The following PTPRQ variants were observed in gnomAD, a reference collection of about 807,000 sequenced individuals.
PTPRQ encodes the protein protein tyrosine phosphatase receptor type Q.
Under a neutral mutation model 246.0 loss-of-function variants are expected in PTPRQ, and 199 were observed. The observed-to-expected ratio is 0.81, with a 90% CI of 0.72 to 0.91. PTPRQ has a LOEUF of 0.91. Among genes scored for constraint, PTPRQ ranks in the 40% least tolerant of loss-of-function variants. PTPRQ has a pLI of 0.00. For synonymous variants in PTPRQ, 869 were observed against 853.2 expected, an observed-to-expected ratio of 1.02 and a Z score of -0.32; for missense variants, 2,624 against 2,528.4, an observed-to-expected ratio of 1.04 and a Z score of -0.81.
chr12:80,506,338 G>A lies in PTPRQ; in HGVS notation c.2455+132G>A, dbSNP rs1894960273. On this transcript the variant is annotated intron_variant, in intron 15 of 44. Coordinates refer to ENST00000644991, the MANE Select transcript of PTPRQ (RefSeq NM_001145026.2). ...CAATTTTGTCTTTTTGGTTAAATAA[G>A]CTAGGAGTTTATTGCAGGTCACATG... The A allele has an allele frequency of 1.1e-5, 11 of 1,040,666 alleles. No individual in the cohort carries two copies. The South Asian group carries it at 1.8e-4, about 17-fold the overall frequency. The allele number at this position is 1,040,666 out of a possible 1,614,324, so 64.5% of individuals were successfully genotyped here.
intron 35 of PTPRQ, among the ~76,000 whole-genome samples, chr12:80,636,386 A>G (rs977492010): frequency 5.9e-5 from 9 of 152,268 alleles, no homozygotes; most frequent in African/African-American, 2.2e-4. Flanking sequence ...GAACACAAGC[A>G]CTGCTACTAC....
In PTPRQ at chr12:80,654,331, A is replaced by G. The variant is rs544567815; in HGVS notation, c.6115+1497A>G. 2.0e-5 allele frequency among the ~76,000 whole-genome samples: 3 copies of G among 152,234 alleles called. No individual in the cohort carries two copies. In the South Asian group the frequency reaches 6.2e-4, roughly 32 times the overall value. On this transcript the variant is annotated intron_variant, in intron 38 of 44. Coordinates refer to ENST00000644991, the MANE Select transcript of PTPRQ (RefSeq NM_001145026.2). ...CTGGTTAAATTTCTAAGACCAGGAC[A>G]TTTTTCAACGCATCCTTTTATTCTT...
chr12:80,588,486 C>A (rs1592690510), intron 26 of PTPRQ, 34 bp downstream of exon 26: 1 of 1,430,328 alleles, frequency 7.0e-7, no homozygotes, highest in Non-Finnish European at 9.2e-7. Context: ...ATACTGATTT[C>A]TGTTATATTC....
chr12:80,645,009 A>G (rs369677902), intron 35 of PTPRQ, among the ~76,000 whole-genome samples: 4 of 152,106 alleles, frequency 2.6e-5, no homozygotes, highest in African/African-American at 9.6e-5. Context: ...ACATAAGTAC[A>G]GACTAGAAAA....
Position 80,665,279 on chromosome 12 carries a change from A to C in PTPRQ, c.6193-3728A>C, listed in dbSNP as rs559900086. Among the ~76,000 whole-genome samples the C allele has an allele frequency of 2.8e-4, 42 of 152,152 alleles. 1 individual carries two copies. The highest frequency in any genetic ancestry group is 9.9e-4 in the African/African-American group (41 of 41,544). On this transcript the variant is annotated intron_variant, in intron 39 of 44. Coordinates refer to ENST00000644991, the MANE Select transcript of PTPRQ (RefSeq NM_001145026.2). ...GTTAATCTCCTTTGGCAATACCCTC[A>C]CAGACACACCCAGAAACAATACTTT...
At chr12:80,555,063 C>A (rs553377765) in intron 25 of PTPRQ, among the ~76,000 whole-genome samples, 4 of 152,040 alleles carry the variant, frequency 2.6e-5, no homozygotes, top group African/African-American at 9.7e-5. Flanking sequence ...CATAGGTGTG[C>A]ACCACCACAC....
At chr12:80,559,314 G>T (rs1896758276) in intron 25 of PTPRQ, among the ~76,000 whole-genome samples, 2 of 152,202 alleles carry the variant, frequency 1.3e-5, no homozygotes, top group South Asian at 4.1e-4. Context: ...AAAGTGCTGG[G>T]ATTACAGGCG....
intron 38 of PTPRQ, among the ~76,000 whole-genome samples, chr12:80,655,179 A>C (rs1171470828): frequency 6.6e-6 from 1 of 152,144 alleles, no homozygotes; most frequent in African/African-American, 2.4e-5. Flanking sequence ...TGACTACCCC[A>C]ATTTTCCATA....
intron 8 of PTPRQ, among the ~76,000 whole-genome samples, chr12:80,473,045 A>ACG (rs10641262): frequency 0.25 from 23,211 of 92,262 alleles, 1,950 homozygotes; most frequent in Middle Eastern, 0.36. Flanking sequence ...ACTCACACAC[A>ACG]CGCACACACA....
intron 8 of PTPRQ, among the ~76,000 whole-genome samples, chr12:80,483,072 C>T (rs1296187112): frequency 8.1e-6 from 1 of 123,976 alleles, no homozygotes; most frequent in Non-Finnish European, 1.7e-5. Flanking sequence ...AAGACACATG[C>T]ACACGTATGT....
chr12:80,495,018 C>T lies in PTPRQ; in HGVS notation c.1626C>T (p.His542=), dbSNP rs1205658687. 1.3e-6 allele frequency: 2 copies of T among 1,550,562 alleles called. No homozygotes were observed. Among genetic ancestry groups the T allele is most frequent in the Non-Finnish European group, 8.7e-7 (1 of 1,146,258 alleles). The change falls in exon 11 of 45, where the codon CAC becomes CAT. Residue 542 remains histidine, a synonymous_variant. Transcript: ENST00000644991. ...VIRRLVPFTE[H]MISVSAFTIM... is the part of the protein sequence containing the mutation. ...GGAGACTTGTACCTTTCACTGAGCA[C>T]ATGATTAGTGTATCTGCTTTCACCA...
At position 80,658,144 on chromosome 12, in the gene PTPRQ, C is replaced by A. The variant is rs561208755; in HGVS notation, c.6192+83C>A. ...TTATCTTTCCAATTACTTAAAACAA[C>A]AAATTTATTACAACTCCTATGGATC... On this transcript the variant is annotated intron_variant, in intron 39 of 44. Coordinates refer to ENST00000644991, the MANE Select transcript of PTPRQ (RefSeq NM_001145026.2). 8.4e-5 allele frequency: 73 copies of A among 866,568 alleles called. No individual in the cohort carries two copies. In the South Asian group the frequency reaches 1.4e-3, roughly 17 times the overall value. 53.7% of individuals were successfully genotyped at this position (866,568 alleles called of 1,614,324 possible). A position where few individuals can be genotyped will look rare whatever the true frequency, so the allele number is the denominator to read the frequency against.
chr12:80,449,061 G>A (rs1387551847), intron 3 of PTPRQ, among the ~76,000 whole-genome samples: 2 of 151,616 alleles, frequency 1.3e-5, no homozygotes, highest in Non-Finnish European at 3.0e-5. Flanking sequence ...TTTAATGATT[G>A]CCATTCTAAC....
chr12:80,619,431 GGAAAACTGCTTGTGACT>G lies in PTPRQ; in HGVS notation c.5279_5295del (p.Gly1760ValfsTer15). On this transcript the variant is annotated frameshift_variant, in exon 31 of 45. Transcript: ENST00000644991. LOFTEE classifies it high-confidence loss of function. ...ACCAACCCCTATTTATGATGCCACA[GGAAAACTGCTTGTGACT>G]TCAACAACAATTACAATCAGAATGC... The G allele has an allele frequency of 6.5e-7, 1 of 1,548,044 alleles. No homozygotes were observed. Among genetic ancestry groups the G allele is most frequent in the Non-Finnish European group, 8.7e-7 (1 of 1,144,738 alleles).
chr12:80,505,795 C>A (rs1159359511), intron 14 of PTPRQ, among the ~76,000 whole-genome samples: 1 of 151,834 alleles, frequency 6.6e-6, no homozygotes, highest in Non-Finnish European at 1.5e-5. Context: ...CATCTTATAA[C>A]TGTTATTCTG....
intron 14 of PTPRQ, among the ~76,000 whole-genome samples, chr12:80,503,726 G>C (rs552845461): frequency 6.6e-6 from 1 of 151,586 alleles, no homozygotes. Context: ...CATTATCTTG[G>C]CCACTCTGAT....
intron 3 of PTPRQ, among the ~76,000 whole-genome samples, chr12:80,453,049 G>A (rs1215349223): frequency 6.6e-6 from 1 of 152,052 alleles, no homozygotes; most frequent in Non-Finnish European, 1.5e-5. Context: ...GTATTTCTTG[G>A]AGGCTTTGTT....
chr12:80,563,168 C>T (rs913231797), intron 25 of PTPRQ, among the ~76,000 whole-genome samples: 1 of 152,108 alleles, frequency 6.6e-6, no homozygotes, highest in African/African-American at 2.4e-5. Flanking sequence ...AACTGGATGA[C>T]CGATAAACAA....
At chr12:80,450,150 G>T (rs890077500) in intron 3 of PTPRQ, among the ~76,000 whole-genome samples, 15 of 151,982 alleles carry the variant, frequency 9.9e-5, no homozygotes, top group Non-Finnish European at 1.8e-4. Context: ...TTGTGAATGG[G>T]AGTTCACTCA....
Sources: allele counts gnomAD v4.1 joint callset (sites outside exome capture counted in the v4.1 genomes callset), GRCh38; gene constraint gnomAD v4.1.1; transcripts MANE v1.5; gene names NCBI Gene and HGNC (gene_info 2026-07-23, HGNC 2026-07-21).